The following BIRC2 variants were observed in gnomAD, a reference collection of about 807,000 sequenced individuals.
The protein encoded by BIRC2 is baculoviral IAP repeat-containing protein 2.
BIRC2 carries 18 observed loss-of-function variants against 60.9 expected under a neutral mutation model. The observed-to-expected ratio is 0.30, with a 90% CI of 0.20 to 0.44. The LOEUF is 0.44. Ranked by LOEUF, BIRC2 falls within the 20% of genes least tolerant of loss-of-function variation. BIRC2 has a pLI of 1.00. For synonymous variants in BIRC2, 282 were observed against 247.7 expected (o/e 1.14, Z -1.30); for missense variants, 701 against 728.5 (o/e 0.96, Z 0.43).
intron 6 of BIRC2, among the ~76,000 whole-genome samples, chr11:102,369,440 T>C (rs1253510879): frequency 6.6e-6 from 1 of 151,442 alleles, no homozygotes; most frequent in African/African-American, 2.4e-5. Flanking sequence ...TTGCGATAGT[T>C]TACTGAGAAT....
intron 6 of BIRC2, among the ~76,000 whole-genome samples, chr11:102,372,738 CGTT>C (rs1468184540): frequency 2.3e-5 from 3 of 130,602 alleles, no homozygotes; most frequent in African/African-American, 9.0e-5. Context: ...CTTTCTGTCT[CGTT>C]GATCTGTCTA....
chr11:102,375,026 T>C (rs79629790), intron 6 of BIRC2, among the ~76,000 whole-genome samples: 1 of 152,228 alleles, frequency 6.6e-6, no homozygotes, highest in Non-Finnish European at 1.5e-5. Flanking sequence ...TGCTTCGGTT[T>C]GCACACGGTG....
At chr11:102,347,895 A>G (rs906568295) in intron 1 of BIRC2, 4 of 152,170 alleles carry the variant, frequency 2.6e-5, no homozygotes, top group Non-Finnish European at 5.9e-5. Flanking sequence ...TCCCCTGCCC[A>G]GCTGCAATTT....
chr11:102,361,673 T>G (rs1951486913), intron 3 of BIRC2, among the ~76,000 whole-genome samples: 2 of 152,146 alleles, frequency 1.3e-5, no homozygotes, highest in Admixed American at 6.5e-5. Flanking sequence ...ATTGGAGGTC[T>G]CCAGGGACCT....
intron 5 of BIRC2, among the ~76,000 whole-genome samples, chr11:102,366,853 C>T (rs35273026): frequency 0.02 from 2,973 of 152,274 alleles, 41 homozygotes; most frequent in Non-Finnish European, 0.03. Flanking sequence ...TTCTACCAAA[C>T]TTAGAATAAA....
chr11:102,375,672 C>A (rs1418839491), intron 6 of BIRC2, among the ~76,000 whole-genome samples: 1 of 150,952 alleles, frequency 6.6e-6, no homozygotes, highest in African/African-American at 2.4e-5. Flanking sequence ...CCCAGCTATT[C>A]GGGAGGCTGA....
intron 3 of BIRC2, among the ~76,000 whole-genome samples, chr11:102,360,952 T>G (rs1951478894): frequency 6.6e-6 from 1 of 152,108 alleles, no homozygotes; most frequent in South Asian, 2.1e-4. Context: ...GTCCTCAACA[T>G]CCAAGGCTGC....
intron 3 of BIRC2, among the ~76,000 whole-genome samples, chr11:102,352,336 G>C (rs188613642): frequency 2.0e-5 from 3 of 152,008 alleles, no homozygotes; most frequent in Admixed American, 6.5e-5. Context: ...GGATGGTCTC[G>C]ATCTCCTGAC....
At chr11:102,374,679 G>A (rs562270649) in intron 6 of BIRC2, among the ~76,000 whole-genome samples, 85 of 152,290 alleles carry the variant, frequency 5.6e-4, no homozygotes, top group Middle Eastern at 3.4e-3. Context: ...GCCTCCTTGA[G>A]CTGTGGTGGG....
intron 6 of BIRC2, among the ~76,000 whole-genome samples, chr11:102,375,466 T>A (rs954357411): frequency 6.6e-6 from 1 of 152,186 alleles, no homozygotes. Context: ...GACTTCTACA[T>A]TGAAACAGAT....
At chr11:102,370,312 A>G (rs1189802680) in intron 6 of BIRC2, among the ~76,000 whole-genome samples, 8 of 138,908 alleles carry the variant, frequency 5.8e-5, no homozygotes, top group African/African-American at 8.3e-5. Flanking sequence ...TAACATTTAA[A>G]TCTTTAATCC....
At chr11:102,361,206 G>A (rs546691427) in intron 3 of BIRC2, among the ~76,000 whole-genome samples, 15 of 152,270 alleles carry the variant, frequency 9.9e-5, no homozygotes, top group East Asian at 3.9e-4. Flanking sequence ...GAAAGACAGC[G>A]GGTCTTGGGT....
rs1951739889 is a variant in BIRC2 at position 102,378,600 on chromosome 11, A to G, written c.*417A>G. ...CTTTGGTGCTTTTCACTTGTGTTTT[A>G]AAATAAGGATTTTTCTCTTATTTCT... On this transcript the variant is annotated 3_prime_UTR_variant, in exon 9 of 9. Transcript: ENST00000227758. The G allele has an allele frequency of 6.5e-6, 1 of 153,106 alleles. No individual in the cohort carries two copies. Among genetic ancestry groups the G allele is most frequent in the East Asian group, 1.9e-4 (1 of 5,228 alleles). 9.5% of individuals were successfully genotyped at this position (153,106 alleles called of 1,614,324 possible).
At position 102,372,275 on chromosome 11, in the gene BIRC2, A is replaced by C. The variant is rs371831238; in HGVS notation, c.1366+3727A>C. On this transcript the variant is annotated intron_variant, in intron 6 of 8. Coordinates refer to ENST00000227758, the MANE Select transcript of BIRC2 (RefSeq NM_001166.5). ...ATTGTGATATTAGGGTGTCAATTTTAGATCTTTCCTGCTTTCTCTTGAGGG... is the reference window on the plus strand; with the variant it reads ...ATTGTGATATTAGGGTGTCAATTTTCGATCTTTCCTGCTTTCTCTTGAGGG... Among the ~76,000 whole-genome samples the C allele has an allele frequency of 8.1e-3, 1,088 of 135,076 alleles. 6 individuals are homozygous for C. Among genetic ancestry groups the C allele is most frequent in the African/African-American group, 0.021 (768 of 35,986 alleles). 88.6% of individuals were successfully genotyped at this position (135,076 alleles called of 152,430 possible).
intron 1 of BIRC2, chr11:102,347,610 G>C (rs1362267543): frequency 1.3e-5 from 2 of 152,260 alleles, no homozygotes; most frequent in Admixed American, 6.5e-5. Flanking sequence ...AAAATGACTT[G>C]TTTTCAAGCC....
At chr11:102,364,182 CACACAGAGAG>C (rs1370808541) in intron 5 of BIRC2, among the ~76,000 whole-genome samples, 1,032 of 86,582 alleles carry the variant, frequency 0.012, 37 homozygotes, top group African/African-American at 0.059. Flanking sequence ...TATACACACA[CACACAGAGAG>C]AGAGAGAGAG....
In BIRC2 at chr11:102,378,138, T is replaced by A. The variant is rs763350370; in HGVS notation, c.1812T>A (p.Ile604=). 6.2e-7 allele frequency: 1 copy of A among 1,613,194 alleles called. No individual in the cohort carries two copies. The highest frequency in any genetic ancestry group is 8.5e-7 in the Non-Finnish European group (1 of 1,179,686). Residue 604 remains isoleucine, a synonymous_variant, in exon 9 of 9, where the codon ATT becomes ATA. Coordinates refer to ENST00000227758, the MANE Select transcript of BIRC2 (RefSeq NM_001166.5). ...ECAPSLRKCP[I]CRGIIKGTVR... ...CCCCTTCTCTAAGAAAATGCCCTAT[T>A]TGCAGGGGTATAATCAAGGGTACTG...
At chr11:102,375,119 C>G (rs1260981051) in intron 6 of BIRC2, among the ~76,000 whole-genome samples, 1 of 152,222 alleles carries the variant, frequency 6.6e-6, no homozygotes, top group Admixed American at 6.5e-5. Context: ...GCAGAAATCA[C>G]CCGTCTTGTG....
chr11:102,364,182 CACACAGAGAGAGAG>C (rs1191751398), intron 5 of BIRC2, among the ~76,000 whole-genome samples: 2 of 86,580 alleles, frequency 2.3e-5, no homozygotes, highest in African/African-American at 6.1e-5. Context: ...TATACACACA[CACACAGAGAGAGAG>C]AGAGAGAGAG....
Sources: gnomAD v4.1 joint callset for allele counts (sites outside exome capture counted in the v4.1 genomes callset) on GRCh38, gnomAD v4.1.1 for gene constraint, MANE v1.5 for transcripts, NCBI Gene and HGNC (gene_info 2026-07-23, HGNC 2026-07-21) for gene names.